NELL1: variants seen among roughly 807,000 people sequenced by gnomAD.
NELL1 encodes protein kinase C-binding protein NELL1.
Under a neutral mutation model 107.4 loss-of-function variants are expected in NELL1, and 76 were observed. That is an observed-to-expected ratio of 0.71 (90% confidence interval 0.59 to 0.86). The LOEUF (loss-of-function observed/expected upper bound fraction) is 0.86. Among genes scored for constraint, NELL1 ranks in the 40% least tolerant of loss-of-function variants. The pLI, the probability that NELL1 is intolerant of heterozygous loss-of-function variation, is 0.00. For synonymous variants in NELL1, 353 were observed against 341.2 expected (o/e 1.03, Z -0.38); for missense variants, 1,024 against 1,005.5 (o/e 1.02, Z -0.25).
At chr11:21,229,598 G>A in intron 14 of NELL1, 144 bp downstream of exon 14, 3 of 1,151,460 alleles carry the variant, frequency 2.6e-6, no homozygotes, top group Non-Finnish European at 3.7e-6. Context: ...AGGGTACTGT[G>A]CGTCAGGGAA....
At chr11:21,415,393 G>A (rs1253479247) in intron 15 of NELL1, among the ~76,000 whole-genome samples, 1 of 151,978 alleles carries the variant, frequency 6.6e-6, no homozygotes, top group Non-Finnish European at 1.5e-5. Flanking sequence ...AGACTTAAAA[G>A]GATTGAATTT....
chr11:21,459,648 G>T (rs1853848874), intron 15 of NELL1, among the ~76,000 whole-genome samples: 1 of 152,156 alleles, frequency 6.6e-6, no homozygotes, highest in Admixed American at 6.6e-5. Context: ...GTGAAAAAAT[G>T]AATGACTAAA....
chr11:21,438,016 A>G (rs1426052733), intron 15 of NELL1, among the ~76,000 whole-genome samples: 1 of 152,166 alleles, frequency 6.6e-6, no homozygotes, highest in African/African-American at 2.4e-5. Flanking sequence ...GTAGTGAGCA[A>G]AATTTATAAA....
intron 14 of NELL1, among the ~76,000 whole-genome samples, chr11:21,337,581 A>G (rs1190404262): frequency 1.3e-5 from 2 of 152,228 alleles, no homozygotes; most frequent in Non-Finnish European, 1.5e-5. Context: ...AATTAGTCAC[A>G]TGGCCCAGGC....
chr11:21,183,129 G>A (rs184953808), intron 13 of NELL1, among the ~76,000 whole-genome samples: 1 of 151,874 alleles, frequency 6.6e-6, no homozygotes, highest in Non-Finnish European at 1.5e-5. Flanking sequence ...AAATAGAAAA[G>A]TATGTTCAAG....
chr11:20,961,415 G>A (rs1851288100), intron 12 of NELL1, among the ~76,000 whole-genome samples: 1 of 152,048 alleles, frequency 6.6e-6, no homozygotes, highest in Non-Finnish European at 1.5e-5. Flanking sequence ...TTTTCTGTTT[G>A]TTCTGATTCC....
intron 15 of NELL1, among the ~76,000 whole-genome samples, chr11:21,533,745 A>G (rs1856056089): frequency 6.6e-6 from 1 of 152,194 alleles, no homozygotes; most frequent in Non-Finnish European, 1.5e-5. Flanking sequence ...CCATAGTTTT[A>G]AAAGAAATAG....
chr11:20,945,578 G>C (rs946097043), intron 10 of NELL1, among the ~76,000 whole-genome samples: 2 of 152,202 alleles, frequency 1.3e-5, no homozygotes, highest in Non-Finnish European at 2.9e-5. Flanking sequence ...GGAGGCAGCA[G>C]ATCATGAATA....
intron 15 of NELL1, among the ~76,000 whole-genome samples, chr11:21,517,911 C>G (rs143617706): frequency 6.6e-6 from 1 of 151,952 alleles, no homozygotes; most frequent in Admixed American, 6.6e-5. Context: ...TGGCTCCAAC[C>G]TTTTCAAGTC....
chr11:20,878,442 A>G (rs1376828515), intron 4 of NELL1, among the ~76,000 whole-genome samples: 1 of 151,536 alleles, frequency 6.6e-6, no homozygotes, highest in Non-Finnish European at 1.5e-5. Flanking sequence ...TCTGAAATAC[A>G]TCTCTCTGAT....
intron 3 of NELL1, among the ~76,000 whole-genome samples, chr11:20,827,054 C>G (rs932936025): frequency 7.9e-5 from 12 of 151,220 alleles, no homozygotes; most frequent in African/African-American, 2.9e-4. Context: ...TGCCAAGACA[C>G]AGCCCTGGTT....
chr11:20,777,716 C>A (rs1002012130), intron 2 of NELL1, among the ~76,000 whole-genome samples: 10 of 152,192 alleles, frequency 6.6e-5, no homozygotes, highest in African/African-American at 2.4e-4. Flanking sequence ...AAGGTTGTGG[C>A]CTGTCTATAT....
At chr11:20,871,341 C>T (rs1046914283) in intron 4 of NELL1, among the ~76,000 whole-genome samples, 2 of 152,162 alleles carry the variant, frequency 1.3e-5, no homozygotes, top group African/African-American at 4.8e-5. Flanking sequence ...TTCAGCTCGC[C>T]TTAATTTTAT....
intron 14 of NELL1, among the ~76,000 whole-genome samples, chr11:21,312,483 C>CA (rs1006134260): frequency 9.8e-4 from 149 of 152,164 alleles, no homozygotes; most frequent in African/African-American, 3.5e-3. Context: ...AGGAAAATAG[C>CA]AACTGCCATC....
intron 14 of NELL1, among the ~76,000 whole-genome samples, chr11:21,295,055 G>A (rs1448102189): frequency 2.0e-5 from 3 of 152,018 alleles, no homozygotes; most frequent in Non-Finnish European, 4.4e-5. Context: ...TGACCTGTAG[G>A]AAATGCCATT....
At chr11:21,324,525 A>G (rs889467051) in intron 14 of NELL1, among the ~76,000 whole-genome samples, 2 of 152,146 alleles carry the variant, frequency 1.3e-5, no homozygotes, top group Non-Finnish European at 2.9e-5. Flanking sequence ...TGCTTCCTAA[A>G]GAAACCCTAG....
intron 2 of NELL1, among the ~76,000 whole-genome samples, chr11:20,765,658 TA>T (rs1177454018): frequency 6.6e-6 from 1 of 151,994 alleles, no homozygotes; most frequent in Non-Finnish European, 1.5e-5. Flanking sequence ...GCTTGTGTAT[TA>T]GTTGGTGGAA....
At chr11:21,037,301 C>A (rs1853117128) in intron 12 of NELL1, among the ~76,000 whole-genome samples, 1 of 152,202 alleles carries the variant, frequency 6.6e-6, no homozygotes, top group Admixed American at 6.5e-5. Flanking sequence ...TTTGCTTTGG[C>A]TTCTTCTAAG....
At chr11:20,853,671 T>A (rs1039945896) in intron 4 of NELL1, among the ~76,000 whole-genome samples, 3 of 152,208 alleles carry the variant, frequency 2.0e-5, no homozygotes, top group African/African-American at 7.2e-5. Context: ...TAACATTTAG[T>A]CAAATTTTTA....
Sources: allele counts gnomAD v4.1 joint callset (sites outside exome capture counted in the v4.1 genomes callset), GRCh38; gene constraint gnomAD v4.1.1; transcripts MANE v1.5; gene names NCBI Gene and HGNC (gene_info 2026-07-23, HGNC 2026-07-21).